ACACB: variants seen among roughly 807,000 people sequenced by gnomAD.
ACACB encodes acetyl-CoA carboxylase 2.
A neutral mutation model predicts 278.8 loss-of-function variants in ACACB; 209 were observed. The observed-to-expected ratio is 0.75, with a 90% CI of 0.67 to 0.84. The LOEUF (loss-of-function observed/expected upper bound fraction) is 0.84. Ranked by LOEUF, ACACB falls within the 40% of genes least tolerant of loss-of-function variation. ACACB has a pLI of 0.00. For missense variants in ACACB, 2,850 were observed against 3,269.0 expected (o/e 0.87, Z 3.13); for synonymous variants, 1,174 against 1,285.6 (o/e 0.91, Z 1.86).
At chr12:109,253,714 G>T (rs913889285) in intron 43 of ACACB, among the ~76,000 whole-genome samples, 1 of 152,206 alleles carries the variant, frequency 6.6e-6, no homozygotes, top group Non-Finnish European at 1.5e-5. Flanking sequence ...TTACAAATGA[G>T]TGAGGTTGTC....
Position 109,190,111 on chromosome 12 carries a change from C to CA in ACACB, c.2145-1495dup, listed in dbSNP as rs375836797. On this transcript the variant is annotated intron_variant, in intron 13 of 52. Transcript: ENST00000338432. ...GGGCAACAAGAGTGAAGCTCCGTCT[C>CA]AAAAAAACAAAAAAAAGAAAAAAAG... Among the ~76,000 whole-genome samples the CA allele has an allele frequency of 2.6e-3, 389 of 150,832 alleles. 2 individuals carry two copies. The highest frequency in any genetic ancestry group is 8.4e-3 in the African/African-American group (347 of 41,156).
At chr12:109,233,897 C>CCCCA (rs778810867) in intron 30 of ACACB, 41 bp from the exon 31 acceptor site, 18 of 1,613,214 alleles carry the variant, frequency 1.1e-5, no homozygotes, top group Non-Finnish European at 1.4e-5. Flanking sequence ...GGGCCGTGGC[C>CCCCA]CCCAGGCTTT....
Position 109,233,866 on chromosome 12 carries a change from G to A in ACACB, c.4239+19G>A. The stretch of plus-strand genomic sequence containing the variant: ...CTGCAAGGTAAGCGTCTAAGCCCAG[G>A]GAGCAACCTGGGGAGCAGGTGGGCC... On this transcript the variant is annotated intron_variant, in intron 30 of 52. Transcript: ENST00000338432. 1 of 1,613,968 alleles carries A rather than the reference G, an allele frequency of 6.2e-7. No individual in the cohort carries two copies. Among genetic ancestry groups the A allele is most frequent in the Non-Finnish European group, 8.5e-7 (1 of 1,179,850 alleles).
At chr12:109,153,811 C>T (rs1214444756) in intron 2 of ACACB, among the ~76,000 whole-genome samples, 1 of 152,106 alleles carries the variant, frequency 6.6e-6, no homozygotes, top group Non-Finnish European at 1.5e-5. Flanking sequence ...TACAGGTGTG[C>T]ACCACCATGC....
At chr12:109,257,157 C>T (rs1294056796) in intron 45 of ACACB, among the ~76,000 whole-genome samples, 1 of 152,028 alleles carries the variant, frequency 6.6e-6, no homozygotes, top group Non-Finnish European at 1.5e-5. Flanking sequence ...ACCTGTAATC[C>T]CAGCTACTCG....
At chr12:109,172,118 C>T (rs963487042) in intron 5 of ACACB, among the ~76,000 whole-genome samples, 157 bp from the exon 6 acceptor site, 10 of 152,130 alleles carry the variant, frequency 6.6e-5, no homozygotes, top group African/African-American at 2.4e-4. Flanking sequence ...GACAGGATCT[C>T]GCCATGTTGG....
chr12:109,205,333 C>T lies in ACACB; in HGVS notation c.2914-1377C>T, dbSNP rs143298235. On this transcript the variant is annotated intron_variant, in intron 19 of 52. Coordinates refer to ENST00000338432, the MANE Select transcript of ACACB (RefSeq NM_001093.4). ...CTCACATAAATGCTTGTGAGACAGA[C>T]TGGGAGATCGAGTAACTTCACTTGG... Among the ~76,000 whole-genome samples the T allele has an allele frequency of 3.3e-5, 5 of 152,316 alleles. No homozygotes were observed. In the East Asian group the frequency reaches 9.6e-4, roughly 29 times the overall value.
intron 21 of ACACB, among the ~76,000 whole-genome samples, chr12:109,210,384 T>C (rs1377645363): frequency 1.4e-4 from 18 of 133,246 alleles, no homozygotes; most frequent in Non-Finnish European, 2.5e-4. Context: ...CGCACACACA[T>C]GTGTATATAT....
intron 4 of ACACB, among the ~76,000 whole-genome samples, chr12:109,170,118 T>C (rs1334861801): frequency 6.6e-6 from 1 of 151,986 alleles, no homozygotes; most frequent in Non-Finnish European, 1.5e-5. Context: ...GTTTGTTTGT[T>C]GTTGCTTTTT....
At chr12:109,112,613 A>C (rs12817790), upstream of ACACB, among the ~76,000 whole-genome samples, 29,098 of 150,662 alleles carry the variant, frequency 0.19, 2,763 homozygotes, top group East Asian at 0.32. Flanking sequence ...GAGGCAGGAG[A>C]ATCACTTGAA....
intron 16 of ACACB, among the ~76,000 whole-genome samples, chr12:109,196,227 T>G (rs962551092): frequency 6.6e-6 from 1 of 152,102 alleles, no homozygotes; most frequent in Non-Finnish European, 1.5e-5. Flanking sequence ...CCAAAGCTCT[T>G]GTGTGCTCCT....
At position 109,199,500 on chromosome 12, in the gene ACACB, C is replaced by T. The variant is rs1304206625; in HGVS notation, c.2726C>T (p.Thr909Ile). The change falls in exon 18 of 53, where the codon ACA (threonine) becomes ATA (isoleucine). Residue 909 changes from threonine (T) to isoleucine (I), a missense_variant. By Grantham distance (89) the Thr-to-Ile change is moderately conservative (BLOSUM62 -1). This residue lies in a region of ACACB where 2,265 missense variants were observed against 2,561.3 expected (regional missense o/e 0.88). Transcript: ENST00000338432. ...SPSAGKLTQY[T>I]VEDGGHVEAG... ...TCGGCTGGGAAGCTGACACAGTACA[C>T]AGTGGAGGATGGGGGCCACGTTGAG... 3 of 1,554,508 alleles carry T rather than the reference C, an allele frequency of 1.9e-6. No individual in the cohort carries two copies. Among genetic ancestry groups the T allele is most frequent in the Non-Finnish European group, 2.6e-6 (3 of 1,149,922 alleles).
At chr12:109,153,189 A>G (rs1308331730) in intron 2 of ACACB, among the ~76,000 whole-genome samples, 3 of 150,908 alleles carry the variant, frequency 2.0e-5, no homozygotes, top group African/African-American at 7.3e-5. Flanking sequence ...AAATTTCACC[A>G]TGTTGGCCAG....
intron 1 of ACACB, among the ~76,000 whole-genome samples, chr12:109,134,533 T>C (rs1194323744): frequency 6.6e-6 from 1 of 152,220 alleles, no homozygotes; most frequent in African/African-American, 2.4e-5. Flanking sequence ...CCTGAGGGCA[T>C]GTGTGAGCCA....
At chr12:109,262,074 T>C (rs2047393515) in intron 48 of ACACB, among the ~76,000 whole-genome samples, 1 of 151,810 alleles carries the variant, frequency 6.6e-6, no homozygotes, top group Non-Finnish European at 1.5e-5. Flanking sequence ...TATGCTGCCA[T>C]GGAAAAAGTC....
intron 1 of ACACB, among the ~76,000 whole-genome samples, chr12:109,119,216 C>T (rs1181549084): frequency 3.3e-5 from 5 of 152,194 alleles, no homozygotes; most frequent in African/African-American, 1.2e-4. Flanking sequence ...GTCTGCTGTA[C>T]TCCAGAAGTC....
Position 109,116,835 on chromosome 12 carries a change from C to T in ACACB, c.-10+131C>T, listed in dbSNP as rs75878773. ...TGGGGTCCCCGGGGAAAAACGACTC[C>T]CGTCATGTTTGAAGGAAGCTAATCA... is the stretch of plus-strand genomic sequence containing the variant. On this transcript the variant is annotated intron_variant, in intron 1 of 52. Transcript: ENST00000338432. 3,340 of 152,216 alleles carry T rather than the reference C, an allele frequency of 0.022. 254 individuals carry two copies. The East Asian group carries it at 0.27, about 12-fold the overall frequency. The allele number at this position is 152,216 out of a possible 1,614,324, so 9.4% of individuals were successfully genotyped here.
In ACACB at chr12:109,216,657, G is replaced by GT; in HGVS notation, c.3392dup (p.Leu1131PhefsTer11). 1 of 1,614,214 alleles carries GT rather than the reference G, an allele frequency of 6.2e-7. No individual in the cohort carries two copies. Among genetic ancestry groups the GT allele is most frequent in the Non-Finnish European group, 8.5e-7 (1 of 1,180,044 alleles). ...TCCGCGGCTATATGAAAACAGTGGT[G>GT]TTGGATCTCCTGAGAAGATACTTGC... On this transcript the variant is annotated frameshift_variant, in exon 23 of 53. Coordinates refer to ENST00000338432, the MANE Select transcript of ACACB (RefSeq NM_001093.4). LOFTEE classifies it high-confidence loss of function.
At position 109,122,572 on chromosome 12, in the gene ACACB, CAAAAAAAA is replaced by C. The variant is rs59516728; in HGVS notation, c.-10+5886_-10+5893del. On this transcript the variant is annotated intron_variant, in intron 1 of 52. Coordinates refer to ENST00000338432, the MANE Select transcript of ACACB (RefSeq NM_001093.4). ...TAGGCGCCAGAGTCAGACATTGTCT[CAAAAAAAA>C]AAAAAAAAAAAAAAAAAGATGCTGA... is the stretch of plus-strand genomic sequence containing the variant. Among the ~76,000 whole-genome samples, 580 of 61,878 alleles carry C rather than the reference CAAAAAAAA, an allele frequency of 9.4e-3. 5 individuals are homozygous for C. Among genetic ancestry groups the C allele is most frequent in the African/African-American group, 0.031 (536 of 17,268 alleles). 40.6% of individuals were successfully genotyped at this position (61,878 alleles called of 152,430 possible).
Sources: gnomAD v4.1 joint callset for allele counts (sites outside exome capture counted in the v4.1 genomes callset) on GRCh38, gnomAD v4.1.1 for gene constraint, gnomAD v4.1.1 regional missense constraint, MANE v1.5 for transcripts, NCBI Gene and HGNC (gene_info 2026-07-23, HGNC 2026-07-21) for gene names.